Variants in LHFPL6 observed in about 807,000 individuals in gnomAD.
LHFPL6 encodes the protein LHFPL tetraspan subfamily member 6 protein.
Under a neutral mutation model 20.6 loss-of-function variants are expected in LHFPL6, and 9 were observed. The ratio of observed to expected loss-of-function variants is 0.44; its 90% CI spans 0.26 to 0.76. The LOEUF (loss-of-function observed/expected upper bound fraction) is 0.76. Among genes scored for constraint, LHFPL6 ranks in the 30% least tolerant of loss-of-function variants. The pLI is 0.20. For missense variants in LHFPL6, 218 were observed against 253.5 expected (o/e 0.86, Z 0.95); for synonymous variants, 105 against 98.7 (o/e 1.06, Z -0.38).
rs1869609172 is a variant in LHFPL6 at position 39,352,867 on chromosome 13, A to ATATATATAAATGTATATATATGTG, written c.485-8814_485-8813insCACATATATATACATTTATATATA. On this transcript the variant is annotated intron_variant, in intron 3 of 3. Transcript: ENST00000379589. ...TATATATAAATGTATATATATGTGTATATATATATATAAATGTATATATAT... is the reference window on the plus strand; with the variant it reads ...TATATATAAATGTATATATATGTGTATATATATAAATGTATATATATGTGTATATATATATAAATGTATATATAT... Among the ~76,000 whole-genome samples, 2 of 75,396 alleles carry ATATATATAAATGTATATATATGTG rather than the reference A, an allele frequency of 2.7e-5. 1 individual carries two copies. Among genetic ancestry groups the ATATATATAAATGTATATATATGTG allele is most frequent in the Non-Finnish European group, 4.7e-5 (2 of 42,176 alleles). The allele number at this position is 75,396 out of a possible 152,430, so 49.5% of individuals were successfully genotyped here. A position where few individuals can be genotyped will look rare whatever the true frequency, so the allele number is the denominator to read the frequency against.
intron 2 of LHFPL6, among the ~76,000 whole-genome samples, chr13:39,449,164 A>G (rs899764838): frequency 2.6e-5 from 4 of 152,244 alleles, no homozygotes; most frequent in African/African-American, 9.6e-5. Flanking sequence ...GTCCACATCA[A>G]CTGTAAACTG....
chr13:39,411,267 A>C (rs1376247645), intron 2 of LHFPL6, among the ~76,000 whole-genome samples: 1 of 152,138 alleles, frequency 6.6e-6, no homozygotes, highest in Non-Finnish European at 1.5e-5. Context: ...CAACCTGAGA[A>C]GTTTTTCTAA....
chr13:39,541,048 C>A (rs1467589207), intron 2 of LHFPL6, among the ~76,000 whole-genome samples: 1 of 152,054 alleles, frequency 6.6e-6, no homozygotes, highest in African/African-American at 2.4e-5. Flanking sequence ...GAGAAGTAAG[C>A]CTGACAAGAT....
rs142164888 is a variant in LHFPL6, at chr13:39,536,573, G to C, written c.385+64259C>G. Reference sequence around the variant, plus strand: ...GAGATCTTTTCAGAACCACACTGAAGTCTGGAGCTCTTCCTGCCCAACTTT... The same window carrying C: ...GAGATCTTTTCAGAACCACACTGAACTCTGGAGCTCTTCCTGCCCAACTTT... On this transcript the variant is annotated intron_variant, in intron 2 of 3. Transcript: ENST00000379589. Among the ~76,000 whole-genome samples, 120 of 152,250 alleles carry C rather than the reference G, an allele frequency of 7.9e-4. 1 individual carries two copies. The East Asian group carries it at 0.021, about 27-fold the overall frequency.
chr13:39,416,638 G>A (rs1036660174), intron 2 of LHFPL6, among the ~76,000 whole-genome samples: 9 of 152,204 alleles, frequency 5.9e-5, no homozygotes, highest in Admixed American at 1.3e-4. Context: ...TGTGAATGCA[G>A]TATGTAATTG....
intron 2 of LHFPL6, among the ~76,000 whole-genome samples, chr13:39,553,184 T>C (rs1871192457): frequency 2.6e-5 from 4 of 152,158 alleles, no homozygotes; most frequent in Admixed American, 2.6e-4. Context: ...AGCACAGAAA[T>C]ACAATTAATG....
chr13:39,499,797 G>C (rs1045042942), intron 2 of LHFPL6, among the ~76,000 whole-genome samples: 1 of 152,262 alleles, frequency 6.6e-6, no homozygotes, highest in Non-Finnish European at 1.5e-5. Context: ...CTGAAAGCCA[G>C]GCTATCTTTG....
chr13:39,415,171 G>A lies in LHFPL6; in HGVS notation c.386-36645C>T, dbSNP rs1473522706. On this transcript the variant is annotated intron_variant, in intron 2 of 3. Transcript: ENST00000379589. ...TAGCAACCTAAGACGGAAACATCTG[G>A]AAAAATACCATGACTGAGCTGGTGG... is the stretch of plus-strand genomic sequence containing the variant. Among the ~76,000 whole-genome samples the A allele has an allele frequency of 2.6e-5, 4 of 152,124 alleles. No individual in the cohort carries two copies. In the East Asian group the frequency reaches 7.7e-4, roughly 29 times the overall value.
At chr13:39,377,020 TA>T (rs1225451571) in intron 3 of LHFPL6, among the ~76,000 whole-genome samples, 1 of 152,070 alleles carries the variant, frequency 6.6e-6, no homozygotes, top group Non-Finnish European at 1.5e-5. Flanking sequence ...AAGCAGATCA[TA>T]AAGCCACCAC....
rs138642822 is a variant in LHFPL6 at position 39,498,429 on chromosome 13, A to G, written c.385+102403T>C. ...ACTTCAAATGATTTGCACGTTTTCT[A>G]TCTACACATAGAACAGTAGGGGGTA... On this transcript the variant is annotated intron_variant, in intron 2 of 3. Transcript: ENST00000379589. Among the ~76,000 whole-genome samples the G allele has an allele frequency of 4.3e-3, 655 of 152,320 alleles. 5 individuals carry two copies. The highest frequency in any genetic ancestry group is 0.015 in the African/African-American group (613 of 41,570).
chr13:39,365,889 T>C (rs906782788), intron 3 of LHFPL6, among the ~76,000 whole-genome samples: 1 of 152,180 alleles, frequency 6.6e-6, no homozygotes, highest in Non-Finnish European at 1.5e-5. Context: ...TTCCTAAGAA[T>C]AGTGAGGGCA....
intron 2 of LHFPL6, among the ~76,000 whole-genome samples, chr13:39,507,889 C>CCCTCCCTT (rs1555265404): frequency 7.0e-6 from 1 of 143,502 alleles, no homozygotes; most frequent in Admixed American, 7.2e-5. Context: ...TGCCTCCCCT[C>CCCTCCCTT]CCTTCCTTCC....
intron 2 of LHFPL6, among the ~76,000 whole-genome samples, chr13:39,541,539 T>A (rs1870798332): frequency 6.6e-6 from 1 of 152,160 alleles, no homozygotes; most frequent in Non-Finnish European, 1.5e-5. Context: ...TCTGTAAATC[T>A]TATTATCCTT....
At chr13:39,376,976 T>A (rs1290045345) in intron 3 of LHFPL6, among the ~76,000 whole-genome samples, 1 of 152,118 alleles carries the variant, frequency 6.6e-6, no homozygotes, top group Non-Finnish European at 1.5e-5. Flanking sequence ...AAGCAGATCA[T>A]AAAACCTAGA....
At chr13:39,392,223 C>T (rs963716731) in intron 2 of LHFPL6, among the ~76,000 whole-genome samples, 3 of 152,194 alleles carry the variant, frequency 2.0e-5, no homozygotes, top group East Asian at 1.9e-4. Flanking sequence ...CTACCACAAG[C>T]GGTCACAATG....
At chr13:39,493,940 C>G (rs1028221335) in intron 2 of LHFPL6, among the ~76,000 whole-genome samples, 1 of 152,198 alleles carries the variant, frequency 6.6e-6, no homozygotes, top group African/African-American at 2.4e-5. Flanking sequence ...AAGAAGTTTG[C>G]ACACTACATG....
chr13:39,444,171 A>T (rs1378326304), intron 2 of LHFPL6, among the ~76,000 whole-genome samples: 2 of 152,226 alleles, frequency 1.3e-5, no homozygotes, highest in Non-Finnish European at 2.9e-5. Flanking sequence ...TATCTGGCAG[A>T]AGAAATATCT....
chr13:39,562,415 C>CATATACACATATATACATATAT (rs57863254), intron 2 of LHFPL6, among the ~76,000 whole-genome samples: 1 of 54,674 alleles, frequency 1.8e-5, no homozygotes, highest in Admixed American at 2.2e-4. Flanking sequence ...TACACATATA[C>CATATACACATATATACATATAT]ACATATACAT....
At chr13:39,348,688 G>A (rs1869476231) in intron 3 of LHFPL6, among the ~76,000 whole-genome samples, 1 of 152,102 alleles carries the variant, frequency 6.6e-6, no homozygotes, top group African/African-American at 2.4e-5. Context: ...TCTTTGTCAA[G>A]GGATCTGTAA....
Sources: allele counts gnomAD v4.1 joint callset (sites outside exome capture counted in the v4.1 genomes callset), GRCh38; gene constraint gnomAD v4.1.1; transcripts MANE v1.5; gene names NCBI Gene and HGNC (gene_info 2026-07-23, HGNC 2026-07-21).